Variants in TMEM140 observed in about 807,000 individuals in gnomAD.
TMEM140 encodes transmembrane protein 140.
For synonymous variants in TMEM140, 107 were observed against 106.8 expected, an observed-to-expected ratio of 1.00 and a Z score of -0.01; for missense variants, 236 against 228.5, an observed-to-expected ratio of 1.03 and a Z score of -0.21.
At chr7:135,163,871 G>C (rs1023877185) in intron 1 of TMEM140, among the ~76,000 whole-genome samples, 1 of 152,190 alleles carries the variant, frequency 6.6e-6, no homozygotes. Flanking sequence ...GAGCTTCAGA[G>C]CTTCAGAAAC....
At position 135,164,735 on chromosome 7, in the gene TMEM140, C is replaced by T; in HGVS notation, c.294C>T (p.Pro98=). 1 of 1,614,212 alleles carries T rather than the reference C, an allele frequency of 6.2e-7. No individual in the cohort carries two copies. Residue 98 remains proline, a synonymous_variant, in exon 2 of 2, where the codon CCC becomes CCT. Coordinates refer to ENST00000275767, the MANE Select transcript of TMEM140 (RefSeq NM_018295.5). The part of the protein sequence containing the change: ...YGSLVLTLFA[P]QPLLLAQCNS... The stretch of plus-strand genomic sequence containing the variant: ...CCCTGGTCCTCACCCTCTTTGCCCC[C>T]CAGCCTCTCCTCCTAGCCCAGTGCA...
chr7:135,156,650 TCTTGCA>T (rs2117444210), intron 1 of TMEM140, among the ~76,000 whole-genome samples: 1 of 152,354 alleles, frequency 6.6e-6, no homozygotes, highest in East Asian at 1.9e-4. Flanking sequence ...TTCAGATTTC[TCTTGCA>T]CTTCATTGAG....
intron 1 of TMEM140, among the ~76,000 whole-genome samples, chr7:135,163,898 C>T (rs1830012785): frequency 6.6e-6 from 1 of 152,128 alleles, no homozygotes; most frequent in Non-Finnish European, 1.5e-5. Flanking sequence ...GTGCCCAGCC[C>T]GAAGCACATA....
In TMEM140 at chr7:135,161,128, C is replaced by G. The variant is rs1235036304; in HGVS notation, c.-24-3290C>G. Among the ~76,000 whole-genome samples, 1 of 152,136 alleles carries G rather than the reference C, an allele frequency of 6.6e-6. No individual in the cohort carries two copies. The highest frequency in any genetic ancestry group is 1.9e-4 in the East Asian group (1 of 5,190). ...GGACTGAATATAAAAAGGTGAGAGG[C>G]CACCACCTTCTCCACATGCCTGGTC... is the stretch of plus-strand genomic sequence containing the variant. On this transcript the variant is annotated intron_variant, in intron 1 of 1. Coordinates refer to ENST00000275767, the MANE Select transcript of TMEM140 (RefSeq NM_018295.5). The surrounding 1 kb of genome is among the most constrained non-coding windows in gnomAD (Gnocchi z 4.1).
rs1022476899 is a variant in TMEM140 at position 135,151,279 on chromosome 7, T to C, written c.-25+3009T>C. ...GTTGAAAAACACTGCAGTAGCCCTGTTTTGAAAAGAATTAGAACCTGGACT... is the reference window on the plus strand; with the variant it reads ...GTTGAAAAACACTGCAGTAGCCCTGCTTTGAAAAGAATTAGAACCTGGACT... On this transcript the variant is annotated intron_variant, in intron 1 of 1. Transcript: ENST00000275767. The surrounding 1 kb of genome is among the most constrained non-coding windows in gnomAD (Gnocchi z 4.3). Among the ~76,000 whole-genome samples, 3 of 152,224 alleles carry C rather than the reference T, an allele frequency of 2.0e-5. No homozygotes were observed. Among genetic ancestry groups the C allele is most frequent in the African/African-American group, 7.2e-5 (3 of 41,448 alleles).
Position 135,165,857 on chromosome 7 carries a change from T to C in TMEM140, c.*858T>C, listed in dbSNP as rs1830097387. 6.0e-6 allele frequency: 1 copy of C among 167,152 alleles called. No homozygotes were observed. Among genetic ancestry groups the C allele is most frequent in the Non-Finnish European group, 1.5e-5 (1 of 68,138 alleles). 10.4% of individuals were successfully genotyped at this position (167,152 alleles called of 1,614,324 possible). On this transcript the variant is annotated 3_prime_UTR_variant, in exon 2 of 2. Transcript: ENST00000275767. ...TGTATGGCAGTGATTTATTCATATA[T>C]TCCTGTCCAAAGCCACACTGAAAAC...
intron 1 of TMEM140, among the ~76,000 whole-genome samples, chr7:135,148,875 A>G (rs1290398948): frequency 6.6e-6 from 1 of 152,162 alleles, no homozygotes; most frequent in Admixed American, 6.5e-5. Context: ...CTCTTGATGC[A>G]TATTTTAAGA....
At chr7:135,148,564 C>T (rs1298853238) in intron 1 of TMEM140, among the ~76,000 whole-genome samples, 1 of 152,220 alleles carries the variant, frequency 6.6e-6, no homozygotes, top group East Asian at 1.9e-4. Flanking sequence ...GGGCTGACTG[C>T]ACACAGCAGA....
chr7:135,158,212 T>C (rs112065244), intron 1 of TMEM140, among the ~76,000 whole-genome samples: 13 of 152,022 alleles, frequency 8.6e-5, no homozygotes, highest in African/African-American at 3.1e-4. Flanking sequence ...GGCAAGAAGC[T>C]GTAGGGAAGG....
rs1366722987 is a variant in TMEM140, at chr7:135,148,140, A to G, written c.-155A>G. ...CAGCTCAGGACTGCATCTGCCTGCC[A>G]TTTCCCTTCCACTCCTCCTTTCTGG... On this transcript the variant is annotated 5_prime_UTR_variant, in exon 1 of 2. Transcript: ENST00000275767. 1 of 452,790 alleles carries G rather than the reference A, an allele frequency of 2.2e-6. No homozygotes were observed. The highest frequency in any genetic ancestry group is 2.5e-5 in the Admixed American group (1 of 40,794). 28.0% of individuals were successfully genotyped at this position (452,790 alleles called of 1,614,324 possible).
At chr7:135,159,788 A>G (rs780823532) in intron 1 of TMEM140, among the ~76,000 whole-genome samples, 9 of 152,274 alleles carry the variant, frequency 5.9e-5, no homozygotes, top group Non-Finnish European at 1.0e-4. Context: ...CAGATGGTCA[A>G]CAAACACTTG....
At chr7:135,163,994 C>T (rs1324961199) in intron 1 of TMEM140, among the ~76,000 whole-genome samples, 4 of 152,230 alleles carry the variant, frequency 2.6e-5, no homozygotes, top group Admixed American at 1.3e-4. Flanking sequence ...TGGTGAAAAC[C>T]AATAGCTTCC....
Position 135,165,784 on chromosome 7 carries a change from G to A in TMEM140, c.*785G>A, listed in dbSNP as rs1304073719. ...TTGGAAAGACATTAGCACAACTTAC[G>A]CATTGGGGAATTGTGTGTATTTTCT... On this transcript the variant is annotated 3_prime_UTR_variant, in exon 2 of 2. Transcript: ENST00000275767. The A allele has an allele frequency of 5.4e-5, 9 of 166,402 alleles. No individual in the cohort carries two copies. Among genetic ancestry groups the A allele is most frequent in the Non-Finnish European group, 1.3e-4 (9 of 68,142 alleles). 10.3% of individuals were successfully genotyped at this position (166,402 alleles called of 1,614,324 possible).
intron 1 of TMEM140, among the ~76,000 whole-genome samples, chr7:135,156,855 G>C (rs1297475292): frequency 2.6e-5 from 4 of 152,148 alleles, no homozygotes; most frequent in Admixed American, 2.0e-4. Context: ...GGGGACGCCA[G>C]GGGAGGTAAC....
intron 1 of TMEM140, among the ~76,000 whole-genome samples, chr7:135,152,018 T>C (rs757961135): frequency 6.6e-5 from 10 of 152,260 alleles, no homozygotes; most frequent in Admixed American, 6.5e-5. Context: ...TTAACTTCTC[T>C]GAGCCTCAGT....
At position 135,164,531 on chromosome 7, in the gene TMEM140, C is replaced by G; in HGVS notation, c.90C>G (p.Tyr30Ter). 6.2e-7 allele frequency: 1 copy of G among 1,614,160 alleles called. No homozygotes were observed. The highest frequency in any genetic ancestry group is 1.6e-4 in the Middle Eastern group (1 of 6,062). Residue 30 changes from tyrosine to a stop codon, truncating the protein, a stop_gained, in exon 2 of 2, where the codon TAC (tyrosine) becomes TAG (stop). Coordinates refer to ENST00000275767, the MANE Select transcript of TMEM140 (RefSeq NM_018295.5). LOFTEE classifies it low-confidence loss of function (END_TRUNC). ...LVIVVICLMF[Y>*]ALLWEAGNLT... ...TTGTGGTCATCTGCCTGATGTTTTA[C>G]GCTCTTCTCTGGGAGGCTGGCAACC...
chr7:135,164,596 T>C lies in TMEM140; in HGVS notation c.155T>C (p.Phe52Ser). Residue 52 changes from phenylalanine (F) to serine (S), a missense_variant, in exon 2 of 2, where the codon TTC becomes TCC. Phe to Ser is a radical substitution (Grantham distance 155, BLOSUM62 -2). Coordinates refer to ENST00000275767, the MANE Select transcript of TMEM140 (RefSeq NM_018295.5). ...AACCTGAGAATCGGCTTCTATAACT[T>C]CTGCCTGTGGAATGAGGACACCAGC... Reference protein sequence around the residue: ...LPNLRIGFYNFCLWNEDTSTL... With the variant: ...LPNLRIGFYNSCLWNEDTSTL... The C allele has an allele frequency of 6.2e-7, 1 of 1,614,224 alleles. No homozygotes were observed.
At chr7:135,157,181 G>C (rs1562924013) in intron 1 of TMEM140, among the ~76,000 whole-genome samples, 1 of 152,122 alleles carries the variant, frequency 6.6e-6, no homozygotes, top group Non-Finnish European at 1.5e-5. Flanking sequence ...TGATTTCTTT[G>C]CGTCTGGTGT....
chr7:135,153,905 G>A (rs1829724231), intron 1 of TMEM140, among the ~76,000 whole-genome samples: 1 of 152,170 alleles, frequency 6.6e-6, no homozygotes, highest in South Asian at 2.1e-4. Context: ...ATAGTTTCAG[G>A]ATTATTGGTA....
Sources: allele counts gnomAD v4.1 joint callset (sites outside exome capture counted in the v4.1 genomes callset), GRCh38; gene constraint gnomAD v4.1.1; non-coding constraint Gnocchi (gnomAD v3.1); transcripts MANE v1.5; gene names NCBI Gene and HGNC (gene_info 2026-07-23, HGNC 2026-07-21).